Variants in OR5V1 observed in about 807,000 individuals in gnomAD.
OR5V1 encodes olfactory receptor 5V1.
For synonymous variants in OR5V1, 134 were observed against 143.2 expected (o/e 0.94, Z 0.46); for missense variants, 365 against 371.5 (o/e 0.98, Z 0.14).
At chr6:29,368,385 G>A (rs1351788292) in intron 1 of OR5V1, among the ~76,000 whole-genome samples, 2 of 152,040 alleles carry the variant, frequency 1.3e-5, no homozygotes, top group Non-Finnish European at 2.9e-5. Flanking sequence ...ACCAGCAGAG[G>A]GCTATTCTGA....
chr6:29,355,465 T>TGGGA lies in OR5V1; in HGVS notation c.727_730dup (p.His244LeufsTer30). The TGGGA allele has an allele frequency of 2.5e-6, 4 of 1,613,938 alleles. No homozygotes were observed. Among genetic ancestry groups the TGGGA allele is most frequent in the Non-Finnish European group, 3.4e-6 (4 of 1,179,902 alleles). ...ATAAAAGAGAAAGACAATGGCCAGG[T>TGGGA]GGGAGGCACATGTAGAGAAGGCTTT... On this transcript the variant is annotated frameshift_variant, in exon 2 of 2. Coordinates refer to ENST00000641768, the MANE Select transcript of OR5V1 (RefSeq NM_030876.6). LOFTEE classifies it low-confidence loss of function (END_TRUNC).
rs1197692632 is a variant in OR5V1 at position 29,355,364 on chromosome 6, A to G, written c.832T>C (p.Tyr278His). The change falls in exon 2 of 2, where the codon TAC becomes CAC. Residue 278 changes from tyrosine (Y) to histidine (H), a missense_variant. Coordinates refer to ENST00000641768, the MANE Select transcript of OR5V1 (RefSeq NM_030876.6). Reference protein sequence around the residue: ...LKKDRLVSVLYSVVTPMLNPI... With the variant: ...LKKDRLVSVLHSVVTPMLNPI... ...TTTAGCATGGGGGTAACAACACTGTACAACACTGAAACCAACCTATCTTTC... is the reference window on the plus strand; with the variant it reads ...TTTAGCATGGGGGTAACAACACTGTGCAACACTGAAACCAACCTATCTTTC... 6.2e-7 allele frequency: 1 copy of G among 1,613,934 alleles called. No individual in the cohort carries two copies. The highest frequency in any genetic ancestry group is 8.5e-7 in the Non-Finnish European group (1 of 1,179,934).
chr6:29,356,048 C>T lies in OR5V1; in HGVS notation c.148G>A (p.Val50Met). The T allele has an allele frequency of 6.2e-7, 1 of 1,613,900 alleles. No homozygotes were observed. Among genetic ancestry groups the T allele is most frequent in the East Asian group, 2.2e-5 (1 of 44,870 alleles). The change falls in exon 2 of 2, where the codon GTG becomes ATG. Residue 50 changes from valine to methionine, a missense_variant. Val to Met is a conservative substitution (Grantham distance 21). Transcript: ENST00000641768. Reference sequence around the variant, plus strand: ...GGTGTATGCAGGTGTGGATCAGTCACAGTCGTCAAGATAATTAATATATTT... The same window carrying T: ...GGTGTATGCAGGTGTGGATCAGTCATAGTCGTCAAGATAATTAATATATTT... ...GGNILIILTT[V>M]TDPHLHTPMY...
Position 29,355,754 on chromosome 6 carries a change from A to T in OR5V1, c.442T>A (p.Cys148Ser). 1 of 1,613,900 alleles carries T rather than the reference A, an allele frequency of 6.2e-7. No homozygotes were observed. The highest frequency in any genetic ancestry group is 1.1e-5 in the South Asian group (1 of 91,082). Reference protein sequence around the residue: ...KVLCNQLAASCWAAGFLNSVV... With the variant: ...KVLCNQLAASSWAAGFLNSVV... Reference sequence around the variant, plus strand: ...GAGTTAAGGAAACCAGCAGCCCAGCATGAGGCTGCTAATTGATTGCATAGA... The same window carrying T: ...GAGTTAAGGAAACCAGCAGCCCAGCTTGAGGCTGCTAATTGATTGCATAGA... Residue 148 changes from cysteine to serine, a missense_variant, in exon 2 of 2, where the codon TGC (cysteine) becomes AGC (serine). Transcript: ENST00000641768.
chr6:29,355,414 C>G lies in OR5V1; in HGVS notation c.782G>C (p.Arg261Pro), dbSNP rs772202001. 2 of 1,613,870 alleles carry G rather than the reference C, an allele frequency of 1.2e-6. No homozygotes were observed. The highest frequency in any genetic ancestry group is 1.7e-6 in the Non-Finnish European group (2 of 1,179,868). ...FYGSAIFTYV[R>P]PISTYSLKKD... ...CTTTAATGAGTAAGTTGAGATGGGC[C>G]GTACATATGTAAAGATGGCGCTGCC... is the stretch of plus-strand genomic sequence containing the variant. The change falls in exon 2 of 2, where the codon CGG (arginine) becomes CCG (proline). Residue 261 changes from arginine (R) to proline (P), a missense_variant. Physicochemically the swap from Arg to Pro is moderately radical, Grantham distance 103. Transcript: ENST00000641768.
In OR5V1 at chr6:29,354,948, G is replaced by T; in HGVS notation, c.*282C>A. On this transcript the variant is annotated 3_prime_UTR_variant, in exon 2 of 2. Transcript: ENST00000641768. ...TATGAAAAAGCAGGGAAATTTTCAA[G>T]TGATGAAGTCCATTAAACAAATATC... 1 of 316,506 alleles carries T rather than the reference G, an allele frequency of 3.2e-6. No individual in the cohort carries two copies. Among genetic ancestry groups the T allele is most frequent in the Admixed American group, 4.8e-5 (1 of 21,022 alleles). The allele number at this position is 316,506 out of a possible 1,614,324, so 19.6% of individuals were successfully genotyped here. A position where few individuals can be genotyped will look rare whatever the true frequency, so the allele number is the denominator to read the frequency against.
chr6:29,364,998 TTGACAAACCTGAAAAAACC>T (rs1288353750), intron 1 of OR5V1, among the ~76,000 whole-genome samples: 6 of 151,668 alleles, frequency 4.0e-5, no homozygotes, highest in Admixed American at 1.3e-4. Context: ...AACCTTTGTT[TTGACAAACCTGAAAAAACC>T]TGACAAACCT....
At chr6:29,356,321 C>G (rs1778307877) in intron 1 of OR5V1, 44 bp from the exon 2 acceptor site, 3 of 1,092,636 alleles carry the variant, frequency 2.7e-6, no homozygotes, top group South Asian at 1.7e-5. Context: ...AAGTAATCAC[C>G]ATTTATGTCA....
At chr6:29,365,407 TG>T (rs1277948337) in intron 1 of OR5V1, among the ~76,000 whole-genome samples, 1 of 150,746 alleles carries the variant, frequency 6.6e-6, no homozygotes, top group Non-Finnish European at 1.5e-5. Flanking sequence ...TCTATCCATC[TG>T]GCAAAGGTCT....
chr6:29,355,677 C>CTGAT lies in OR5V1; in HGVS notation c.515_518dup (p.Ile174SerfsTer3). The CTGAT allele has an allele frequency of 6.2e-7, 1 of 1,614,036 alleles. No individual in the cohort carries two copies. The highest frequency in any genetic ancestry group is 8.5e-7 in the Non-Finnish European group (1 of 1,179,948). On this transcript the variant is annotated frameshift_variant, in exon 2 of 2. Coordinates refer to ENST00000641768, the MANE Select transcript of OR5V1 (RefSeq NM_030876.6). LOFTEE classifies it low-confidence loss of function (END_TRUNC). ...GGATGTCACAGAAGAAGTAATTAAT[C>CTGAT]TGATTGTTGCCACAGAAGGGCAGGC...
At position 29,368,846 on chromosome 6, in the gene OR5V1, C is replaced by T. The variant is rs1778984976; in HGVS notation, c.-297G>A. On this transcript the variant is annotated 5_prime_UTR_variant, in exon 1 of 2. Transcript: ENST00000641768. ...GGACTGGAGTGAGTAAGGAAAATGC[C>T]CTTTGGATTAAGAAGATCCCCACAT... 1.3e-5 allele frequency: 2 copies of T among 151,978 alleles called. No homozygotes were observed. The highest frequency in any genetic ancestry group is 1.3e-4 in the Admixed American group (2 of 15,242). 9.4% of individuals were successfully genotyped at this position (151,978 alleles called of 1,614,324 possible). A position where few individuals can be genotyped will look rare whatever the true frequency, so the allele number is the denominator to read the frequency against.
chr6:29,355,076 T>C lies in OR5V1; in HGVS notation c.*154A>G. 1 of 629,304 alleles carries C rather than the reference T, an allele frequency of 1.6e-6. No homozygotes were observed. 39.0% of individuals were successfully genotyped at this position (629,304 alleles called of 1,614,324 possible). Reference sequence around the variant, plus strand: ...GCAACATTGATATCTCTCATAGAACTAACTAAAGCTCAAGAATAAGTACAC... The same window carrying C: ...GCAACATTGATATCTCTCATAGAACCAACTAAAGCTCAAGAATAAGTACAC... On this transcript the variant is annotated 3_prime_UTR_variant, in exon 2 of 2. Coordinates refer to ENST00000641768, the MANE Select transcript of OR5V1 (RefSeq NM_030876.6).
chr6:29,366,325 T>A (rs1320465728), intron 1 of OR5V1, among the ~76,000 whole-genome samples: 6 of 125,694 alleles, frequency 4.8e-5, no homozygotes, highest in African/African-American at 1.8e-4. Flanking sequence ...TAAAGTATAT[T>A]AAAAAAAAAA....
At chr6:29,365,191 A>G (rs1778789797) in intron 1 of OR5V1, among the ~76,000 whole-genome samples, 1 of 152,194 alleles carries the variant, frequency 6.6e-6, no homozygotes, top group African/African-American at 2.4e-5. Context: ...AAACCCATAC[A>G]AACCCTAGAA....
Position 29,355,773 on chromosome 6 carries a change from G to T in OR5V1, c.423C>A (p.Cys141Ter), listed in dbSNP as rs1778258482. Residue 141 changes from cysteine to a stop codon, truncating the protein, a stop_gained, in exon 2 of 2, where the codon TGC becomes TGA. Coordinates refer to ENST00000641768, the MANE Select transcript of OR5V1 (RefSeq NM_030876.6). LOFTEE classifies it low-confidence loss of function (END_TRUNC). ...CCCAGCATGAGGCTGCTAATTGATTGCATAGAACCTTGCTCAGAATAACTG... is the reference window on the plus strand; with the variant it reads ...CCCAGCATGAGGCTGCTAATTGATTTCATAGAACCTTGCTCAGAATAACTG... Reference protein sequence around the residue: ...RYSVILSKVLCNQLAASCWAA... With the variant: ...RYSVILSKVL 3 of 1,614,070 alleles carry T rather than the reference G, an allele frequency of 1.9e-6. No individual in the cohort carries two copies. Among genetic ancestry groups the T allele is most frequent in the Non-Finnish European group, 1.7e-6 (2 of 1,179,966 alleles).
rs555957900 is a variant in OR5V1, at chr6:29,354,393, A to G, written c.*837T>C. ...GTAATTAAGTACTTTTACTTTTAAC[A>G]TTAGTAATTTCTACTTTTTTTTCTA... On this transcript the variant is annotated 3_prime_UTR_variant, in exon 2 of 2. Coordinates refer to ENST00000641768, the MANE Select transcript of OR5V1 (RefSeq NM_030876.6). 16 of 152,192 alleles carry G rather than the reference A, an allele frequency of 1.1e-4. No homozygotes were observed. The highest frequency in any genetic ancestry group is 2.1e-4 in the South Asian group (1 of 4,828). 9.4% of individuals were successfully genotyped at this position (152,192 alleles called of 1,614,324 possible).
chr6:29,356,138 G>T lies in OR5V1; in HGVS notation c.58C>A (p.Leu20Ile), dbSNP rs1450599358. ...AATAGTAAAAACTGCAATTCATTTA[G>T]GTTGGAGAATCCCAAGATGATGAAT... ...TEFIILGFSN[L>I]NELQFLLFTI... Residue 20 changes from leucine (L) to isoleucine (I), a missense_variant, in exon 2 of 2, where the codon CTA becomes ATA. Coordinates refer to ENST00000641768, the MANE Select transcript of OR5V1 (RefSeq NM_030876.6). 6 of 1,609,556 alleles carry T rather than the reference G, an allele frequency of 3.7e-6. No individual in the cohort carries two copies. Among genetic ancestry groups the T allele is most frequent in the Non-Finnish European group, 5.1e-6 (6 of 1,178,478 alleles).
intron 1 of OR5V1, among the ~76,000 whole-genome samples, chr6:29,363,294 G>A (rs552635860): frequency 2.0e-5 from 3 of 152,284 alleles, no homozygotes; most frequent in Admixed American, 2.0e-4. Flanking sequence ...TACTGAAATT[G>A]AGGCAGTAAT....
chr6:29,362,963 GGAGATA>G (rs2151277341), intron 1 of OR5V1, among the ~76,000 whole-genome samples: 1 of 152,264 alleles, frequency 6.6e-6, no homozygotes, highest in East Asian at 1.9e-4. Flanking sequence ...CAGAACTGAA[GGAGATA>G]GAGACACGAA....
Sources: allele counts gnomAD v4.1 joint callset (sites outside exome capture counted in the v4.1 genomes callset), GRCh38; gene constraint gnomAD v4.1.1; transcripts MANE v1.5; gene names NCBI Gene and HGNC (gene_info 2026-07-23, HGNC 2026-07-21).